The following GPC5 variants were observed in gnomAD, a reference collection of about 807,000 sequenced individuals.
GPC5 encodes the protein glypican-5.
GPC5 carries 47 observed loss-of-function variants against 53.9 expected under a neutral mutation model. That is an observed-to-expected ratio of 0.87 (90% CI 0.69 to 1.11). The LOEUF (loss-of-function observed/expected upper bound fraction) is 1.11. Among genes scored for constraint, GPC5 ranks in the 50% most tolerant of loss-of-function variants. The pLI is 0.00. For missense variants in GPC5, 748 were observed against 713.1 expected (o/e 1.05, Z -0.56); for synonymous variants, 286 against 263.3 (o/e 1.09, Z -0.84).
intron 2 of GPC5, among the ~76,000 whole-genome samples, chr13:91,614,032 A>G (rs181657532): frequency 6.6e-4 from 100 of 152,360 alleles, no homozygotes; most frequent in Middle Eastern, 3.4e-3. Flanking sequence ...ATCGAATACC[A>G]TATGCCAATG....
intron 2 of GPC5, among the ~76,000 whole-genome samples, chr13:91,501,833 A>G (rs138544159): frequency 0.027 from 4,183 of 152,310 alleles, 176 homozygotes; most frequent in African/African-American, 0.095. Flanking sequence ...TGACTTCCAC[A>G]ATGGTTGAAC....
intron 6 of GPC5, among the ~76,000 whole-genome samples, chr13:91,924,921 C>A (rs368490093): frequency 6.6e-5 from 10 of 151,688 alleles, no homozygotes; most frequent in African/African-American, 2.4e-4. Flanking sequence ...CCGGGTTCAC[C>A]CCATTCTCCT....
intron 6 of GPC5, among the ~76,000 whole-genome samples, chr13:91,924,491 G>A (rs1049993684): frequency 2.6e-5 from 4 of 152,058 alleles, no homozygotes; most frequent in African/African-American, 7.2e-5. Context: ...TTGGGAGGCC[G>A]AGGCTGGCAG....
At chr13:91,641,870 T>C (rs906369012) in intron 2 of GPC5, among the ~76,000 whole-genome samples, 2 of 152,138 alleles carry the variant, frequency 1.3e-5, no homozygotes, top group Non-Finnish European at 2.9e-5. Context: ...ATGGATCCCA[T>C]TGAAGAGAGC....
Position 91,571,828 on chromosome 13 carries a change from T to TACGTGTGTGTATGTATAC in GPC5, c.326-121357_326-121356insGTGTGTGTATGTATACAC, listed in dbSNP as rs1566515542. Reference sequence around the variant, plus strand: ...ACACACACATACGTGTGTGTATATATACACATATACTTGTGTGTATATACA... The same window carrying TACGTGTGTGTATGTATAC: ...ACACACACATACGTGTGTGTATATATACGTGTGTGTATGTATACACACATATACTTGTGTGTATATACA... On this transcript the variant is annotated intron_variant, in intron 2 of 7. Coordinates refer to ENST00000377067, the MANE Select transcript of GPC5 (RefSeq NM_004466.6). Among the ~76,000 whole-genome samples the TACGTGTGTGTATGTATAC allele has an allele frequency of 8.0e-4, 52 of 64,836 alleles. 7 individuals are homozygous for TACGTGTGTGTATGTATAC. Among genetic ancestry groups the TACGTGTGTGTATGTATAC allele is most frequent in the Middle Eastern group, 0.018 (2 of 110 alleles). 42.5% of individuals were successfully genotyped at this position (64,836 alleles called of 152,430 possible).
At chr13:91,524,717 T>C (rs1360926028) in intron 2 of GPC5, among the ~76,000 whole-genome samples, 2 of 152,176 alleles carry the variant, frequency 1.3e-5, no homozygotes, top group Admixed American at 6.5e-5. Flanking sequence ...CCCTGACTGA[T>C]AGGAGCTGAG....
At chr13:91,711,478 T>A (rs1032810887) in intron 3 of GPC5, among the ~76,000 whole-genome samples, 3 of 151,940 alleles carry the variant, frequency 2.0e-5, no homozygotes, top group African/African-American at 7.3e-5. Flanking sequence ...GGGGGAGGGA[T>A]AGCATTAGGA....
chr13:92,117,081 T>C (rs191611618), intron 6 of GPC5, among the ~76,000 whole-genome samples: 1 of 152,336 alleles, frequency 6.6e-6, no homozygotes, highest in African/African-American at 2.4e-5. Context: ...TGTTTTTGCA[T>C]GTGAGAACAC....
At chr13:92,126,340 A>T (rs2041697126) in intron 6 of GPC5, among the ~76,000 whole-genome samples, 2 of 152,190 alleles carry the variant, frequency 1.3e-5, no homozygotes, top group African/African-American at 4.8e-5. Context: ...ATTTCTATCA[A>T]TTCTCAGCCT....
At chr13:91,658,933 C>T (rs2034916169) in intron 2 of GPC5, among the ~76,000 whole-genome samples, 1 of 152,162 alleles carries the variant, frequency 6.6e-6, no homozygotes, top group Non-Finnish European at 1.5e-5. Context: ...ATACTTCGTG[C>T]CCCACTCCAT....
rs538467640 is a variant in GPC5, at chr13:92,476,109, C to A, written c.1561+331120C>A. On this transcript the variant is annotated intron_variant, in intron 7 of 7. Coordinates refer to ENST00000377067, the MANE Select transcript of GPC5 (RefSeq NM_004466.6). ...ACTACCATCAGAGTGAACAGGCAACCTACAGAATGGGAGAAAATTTTTGCA... is the reference window on the plus strand; with the variant it reads ...ACTACCATCAGAGTGAACAGGCAACATACAGAATGGGAGAAAATTTTTGCA... Among the ~76,000 whole-genome samples the A allele has an allele frequency of 1.1e-4, 16 of 152,126 alleles. No homozygotes were observed. In the South Asian group the frequency reaches 3.3e-3, roughly 32 times the overall value.
At chr13:91,509,965 A>G (rs1043510678) in intron 2 of GPC5, among the ~76,000 whole-genome samples, 2 of 152,168 alleles carry the variant, frequency 1.3e-5, no homozygotes, top group Non-Finnish European at 2.9e-5. Context: ...TATCACTTGT[A>G]TATCACCATT....
chr13:92,437,649 A>G (rs1195310724), intron 7 of GPC5, among the ~76,000 whole-genome samples: 2 of 152,080 alleles, frequency 1.3e-5, no homozygotes, highest in Non-Finnish European at 2.9e-5. Flanking sequence ...AATAATTACC[A>G]CAAACTTAGT....
At chr13:91,686,933 A>C (rs111323721) in intron 2 of GPC5, among the ~76,000 whole-genome samples, 2 of 151,990 alleles carry the variant, frequency 1.3e-5, no homozygotes, top group Non-Finnish European at 1.5e-5. Context: ...TCAGATATAC[A>C]TTGTAAAATC....
intron 7 of GPC5, among the ~76,000 whole-genome samples, chr13:92,314,614 A>C (rs61966638): frequency 0.01 from 1,565 of 152,286 alleles, 14 homozygotes; most frequent in Middle Eastern, 0.017. Context: ...GTGGGACAGA[A>C]TGTGTTTCTA....
At position 91,810,223 on chromosome 13, in the gene GPC5, C is replaced by T. The variant is rs371307969; in HGVS notation, c.1280+53803C>T. Among the ~76,000 whole-genome samples, 5 of 151,904 alleles carry T rather than the reference C, an allele frequency of 3.3e-5. No homozygotes were observed. In the East Asian group the frequency reaches 9.7e-4, roughly 29 times the overall value. On this transcript the variant is annotated intron_variant, in intron 5 of 7. Transcript: ENST00000377067. ...GGCCCTAAGATGTCATTTTTCTTATCTTTTGGAAAGATAGAAAATGACTAT... is the reference window on the plus strand; with the variant it reads ...GGCCCTAAGATGTCATTTTTCTTATTTTTTGGAAAGATAGAAAATGACTAT...
At chr13:92,847,567 C>T (rs988220937) in intron 7 of GPC5, among the ~76,000 whole-genome samples, 1 of 152,048 alleles carries the variant, frequency 6.6e-6, no homozygotes, top group Non-Finnish European at 1.5e-5. Context: ...GCCATAATTG[C>T]TAGTTCCTGA....
chr13:91,458,277 G>A (rs1019630018), intron 2 of GPC5, among the ~76,000 whole-genome samples: 6 of 152,076 alleles, frequency 3.9e-5, no homozygotes, highest in Admixed American at 6.6e-5. Flanking sequence ...GGATATCACC[G>A]AGGCCAGGTC....
At chr13:91,789,183 A>G (rs2037925027) in intron 5 of GPC5, among the ~76,000 whole-genome samples, 1 of 152,122 alleles carries the variant, frequency 6.6e-6, no homozygotes, top group Non-Finnish European at 1.5e-5. Context: ...ACTGCACTCT[A>G]GCCTGGGTGA....
Sources: gnomAD v4.1 joint callset for allele counts (sites outside exome capture counted in the v4.1 genomes callset) on GRCh38, gnomAD v4.1.1 for gene constraint, MANE v1.5 for transcripts, NCBI Gene and HGNC (gene_info 2026-07-23, HGNC 2026-07-21) for gene names.